FAM240A: variants seen among roughly 807,000 people sequenced by gnomAD.
FAM240A encodes family with sequence similarity 240 member A, also known as protein FAM240A.
A neutral mutation model predicts 7.3 loss-of-function variants in FAM240A; 8 were observed. The ratio of observed to expected loss-of-function variants is 1.09; its 90% CI spans 0.64 to 1.97. The LOEUF is 1.97. Ranked by LOEUF, FAM240A falls within the 30% of genes most tolerant of loss-of-function variation. FAM240A has a pLI of 0.00. For synonymous variants in FAM240A, 32 were observed against 35.9 expected (o/e 0.89, Z 0.38); for missense variants, 90 against 102.2 (o/e 0.88, Z 0.52).
chr3:46,618,339 G>A (rs1448014080), intron 2 of FAM240A, among the ~76,000 whole-genome samples: 4 of 152,192 alleles, frequency 2.6e-5, no homozygotes, highest in African/African-American at 4.8e-5. Context: ...AGTCATTTCT[G>A]CAGTTCCTGC....
Position 46,618,912 on chromosome 3 carries a change from CACACACAT to C in FAM240A, c.161+1586_161+1593del, listed in dbSNP as rs755407413. ...ACACACACACACACACACACACACA[CACACACAT>C]ATGCAGTATCTATCTATGCATATAA... On this transcript the variant is annotated intron_variant, in intron 2 of 2. Transcript: ENST00000640551. Among the ~76,000 whole-genome samples the C allele has an allele frequency of 5.7e-4, 85 of 148,714 alleles. 2 individuals carry two copies. The highest frequency in any genetic ancestry group is 2.0e-3 in the African/African-American group (78 of 39,606).
rs1697758732 is a variant in FAM240A, at chr3:46,626,056, C to G, written c.*838C>G. 2 of 152,136 alleles carry G rather than the reference C, an allele frequency of 1.3e-5. No individual in the cohort carries two copies. Among genetic ancestry groups the G allele is most frequent in the South Asian group, 4.1e-4 (2 of 4,820 alleles). 9.4% of individuals were successfully genotyped at this position (152,136 alleles called of 1,614,324 possible). A position where few individuals can be genotyped will look rare whatever the true frequency, so the allele number is the denominator to read the frequency against. ...CCAAGAGTGCAAACTGTAACTGGGC[C>G]TGAGGCAATTATTTTAACCAAGGGA... is the stretch of plus-strand genomic sequence containing the variant. On this transcript the variant is annotated 3_prime_UTR_variant, in exon 3 of 3. Transcript: ENST00000640551.
chr3:46,624,104 G>A (rs1289741893), intron 2 of FAM240A, among the ~76,000 whole-genome samples: 1 of 152,004 alleles, frequency 6.6e-6, no homozygotes, highest in Non-Finnish European at 1.5e-5. Context: ...GCCTTCAGGT[G>A]ATATTTTATC....
intron 2 of FAM240A, among the ~76,000 whole-genome samples, chr3:46,621,121 C>T (rs952920225): frequency 6.6e-6 from 1 of 152,084 alleles, no homozygotes; most frequent in Non-Finnish European, 1.5e-5. Context: ...AAAAAGAGTG[C>T]AATTTCCCTT....
chr3:46,622,774 G>C (rs534012675), intron 2 of FAM240A, among the ~76,000 whole-genome samples: 2 of 152,196 alleles, frequency 1.3e-5, no homozygotes, highest in Non-Finnish European at 2.9e-5. Context: ...TGATTACTTA[G>C]GTTTATAATA....
At position 46,625,661 on chromosome 3, in the gene FAM240A, G is replaced by A. The variant is rs940411828; in HGVS notation, c.*443G>A. The A allele has an allele frequency of 2.6e-5, 4 of 152,098 alleles. No homozygotes were observed. The highest frequency in any genetic ancestry group is 9.7e-5 in the African/African-American group (4 of 41,400). 9.4% of individuals were successfully genotyped at this position (152,098 alleles called of 1,614,324 possible). ...AATTCTTGTTTTCTTTTTATGAGAA[G>A]AGAAATGCACCTATCTGCAGAAATT... On this transcript the variant is annotated 3_prime_UTR_variant, in exon 3 of 3. Transcript: ENST00000640551.
At chr3:46,622,141 C>T (rs1697705289) in intron 2 of FAM240A, among the ~76,000 whole-genome samples, 1 of 114,326 alleles carries the variant, frequency 8.7e-6, no homozygotes, top group African/African-American at 3.3e-5. Context: ...GAGACAGAGT[C>T]TCACTCTGTC....
Position 46,613,490 on chromosome 3 carries a change from T to TATAAATAAATAA in FAM240A, c.15+792_15+793insATAAATAAATAA, listed in dbSNP as rs1559437364. ...GCCTGGGTGACAGAGTGAAACTCCT[T>TATAAATAAATAA]CTAAATAAATAAATAAATAAATAAA... On this transcript the variant is annotated intron_variant, in intron 1 of 2. Coordinates refer to ENST00000640551, the MANE Select transcript of FAM240A (RefSeq NM_001195442.2). Among the ~76,000 whole-genome samples the TATAAATAAATAA allele has an allele frequency of 3.3e-3, 68 of 20,650 alleles. 1 individual carries two copies. Among genetic ancestry groups the TATAAATAAATAA allele is most frequent in the African/African-American group, 6.8e-3 (66 of 9,720 alleles). The allele number at this position is 20,650 out of a possible 152,430, so 13.5% of individuals were successfully genotyped here.
At chr3:46,613,749 C>T (rs1280005032) in intron 1 of FAM240A, among the ~76,000 whole-genome samples, 10 of 152,174 alleles carry the variant, frequency 6.6e-5, no homozygotes, top group Admixed American at 6.5e-4. Flanking sequence ...GAGCCCCAAA[C>T]CCTCGGCCAG....
At chr3:46,615,832 G>T (rs544303732) in intron 1 of FAM240A, among the ~76,000 whole-genome samples, 1 of 151,488 alleles carries the variant, frequency 6.6e-6, no homozygotes, top group Non-Finnish European at 1.5e-5. Context: ...CCACACACAA[G>T]AGCCCACATG....
At chr3:46,623,757 T>A (rs561171856) in intron 2 of FAM240A, among the ~76,000 whole-genome samples, 1 of 152,318 alleles carries the variant, frequency 6.6e-6, no homozygotes, top group African/African-American at 2.4e-5. Context: ...TTTAACCTAT[T>A]TTGTCTTCAT....
At chr3:46,621,080 C>T (rs1019788196) in intron 2 of FAM240A, among the ~76,000 whole-genome samples, 1 of 152,172 alleles carries the variant, frequency 6.6e-6, no homozygotes, top group Middle Eastern at 3.4e-3. Flanking sequence ...TCTTCTACTA[C>T]AAAGGTTTTC....
chr3:46,617,243 A>G lies in FAM240A; in HGVS notation c.76A>G (p.Lys26Glu). ...VFCRNTCHDL[K>E]HFWEREIGKQ... ...CTGCCGGAACACCTGCCATGATCTC[A>G]AGCATTTCTGGGAAAGGGAAATTGG... Residue 26 changes from lysine to glutamate, a missense_variant, in exon 2 of 3, where the codon AAG (lysine) becomes GAG (glutamate). Coordinates refer to ENST00000640551, the MANE Select transcript of FAM240A (RefSeq NM_001195442.2). 1 of 1,535,332 alleles carries G rather than the reference A, an allele frequency of 6.5e-7. No homozygotes were observed.
chr3:46,618,861 ATATATG>A (rs1559438775), intron 2 of FAM240A, among the ~76,000 whole-genome samples: 1 of 75,494 alleles, frequency 1.3e-5, no homozygotes, highest in African/African-American at 5.0e-5. Flanking sequence ...AAAGATATAT[ATATATG>A]TATATATATA....
chr3:46,614,892 A>T (rs1163475336), intron 1 of FAM240A, among the ~76,000 whole-genome samples: 1 of 152,228 alleles, frequency 6.6e-6, no homozygotes, highest in Non-Finnish European at 1.5e-5. Context: ...AGCTCAGACT[A>T]ATGATGTCCC....
intron 2 of FAM240A, among the ~76,000 whole-genome samples, chr3:46,622,223 A>G (rs1178820273): frequency 6.9e-6 from 1 of 144,208 alleles, no homozygotes; most frequent in Non-Finnish European, 1.5e-5. Context: ...CTCCTGCCTC[A>G]GCCTCCCGAG....
At chr3:46,624,308 G>A (rs997781258) in intron 2 of FAM240A, among the ~76,000 whole-genome samples, 7 of 116,602 alleles carry the variant, frequency 6.0e-5, no homozygotes, top group Admixed American at 4.7e-4. Flanking sequence ...GTCTTACTCC[G>A]TCACCCAAGC....
At chr3:46,624,358 T>C (rs1697732714) in intron 2 of FAM240A, among the ~76,000 whole-genome samples, 1 of 139,222 alleles carries the variant, frequency 7.2e-6, no homozygotes, top group African/African-American at 2.7e-5. Flanking sequence ...TGCAACCTCC[T>C]CCTCCCAGGT....
chr3:46,616,646 A>T (rs961109739), intron 1 of FAM240A, among the ~76,000 whole-genome samples: 1 of 151,786 alleles, frequency 6.6e-6, no homozygotes, highest in South Asian at 2.1e-4. Flanking sequence ...GAGTTGCTGC[A>T]AAAGACATTA....
Sources: gnomAD v4.1 joint callset for allele counts (sites outside exome capture counted in the v4.1 genomes callset) on GRCh38, gnomAD v4.1.1 for gene constraint, MANE v1.5 for transcripts, NCBI Gene and HGNC (gene_info 2026-07-23, HGNC 2026-07-21) for gene names.